The following AHR variants were observed in gnomAD, a reference collection of about 807,000 sequenced individuals.
AHR encodes aryl hydrocarbon receptor, also known as AH-receptor.
Under a neutral mutation model 86.8 loss-of-function variants are expected in AHR, and 40 were observed. That is an observed-to-expected ratio of 0.46 (90% confidence interval 0.36 to 0.60). The LOEUF (loss-of-function observed/expected upper bound fraction) is 0.60. AHR is among the 20% of genes least tolerant of loss of function. The probability of loss-of-function intolerance (pLI) is 0.00; values close to 1 mark genes in which losing one functional copy is unlikely to be tolerated. For synonymous variants in AHR, 398 were observed against 354.9 expected (o/e 1.12, Z -1.37); for missense variants, 1,001 against 1,011.6 (o/e 0.99, Z 0.14).
At chr7:17,328,935 A>G (rs1475842193) in intron 4 of AHR, among the ~76,000 whole-genome samples, 1 of 151,956 alleles carries the variant, frequency 6.6e-6, no homozygotes, top group Non-Finnish European at 1.5e-5. Context: ...GATTTCTTGC[A>G]TTCTAAAGAA....
rs758384565 is a variant in AHR at position 17,339,011 on chromosome 7, C to T, written c.1186C>T (p.Arg396Ter). ...AGATGAGGAAGGAACAGAGCATTTA[C>T]GAAAACGAAATACGAAGTTGCCTTT... ...LTDEEGTEHL[R>*]KRNTKLPFMF... The change falls in exon 10 of 11, where the codon CGA (arginine) becomes TGA (stop). Residue 396 changes from arginine to a stop codon, truncating the protein, a stop_gained. Transcript: ENST00000242057. LOFTEE classifies it high-confidence loss of function. The T allele has an allele frequency of 1.9e-6, 3 of 1,613,646 alleles. No homozygotes were observed. Among genetic ancestry groups the T allele is most frequent in the Admixed American group, 1.7e-5 (1 of 60,002 alleles).
chr7:17,299,237 G>C lies in AHR; in HGVS notation c.-28G>C, dbSNP rs749139930. The C allele has an allele frequency of 1.9e-6, 3 of 1,607,752 alleles. No homozygotes were observed. The highest frequency in any genetic ancestry group is 2.5e-6 in the Non-Finnish European group (3 of 1,178,360). ...GGGGACCCGGCCGCCAGTGCCCGGG[G>C]AGTAGCCGCCGCCGTCGGCTGGGCA... On this transcript the variant is annotated 5_prime_UTR_variant, in exon 1 of 11. Transcript: ENST00000242057.
Position 17,327,834 on chromosome 7 carries a change from C to A in AHR, c.436C>A (p.Leu146Ile), listed in dbSNP as rs1240903270. 2.6e-6 allele frequency: 4 copies of A among 1,521,900 alleles called. No homozygotes were observed. The highest frequency in any genetic ancestry group is 3.5e-5 in the Admixed American group (2 of 57,782). 94.3% of individuals were successfully genotyped at this position (1,521,900 alleles called of 1,614,324 possible). A position where few individuals can be genotyped will look rare whatever the true frequency, so the allele number is the denominator to read the frequency against. The stretch of plus-strand genomic sequence containing the variant: ...TGCTTCTTCTACTATACAAGATTAT[C>A]TAGGGTTTCAGCAGGTAAGTATATA... ...FYASSTIQDY[L>I]GFQQSDVIHQ... Residue 146 changes from leucine (L) to isoleucine (I), a missense_variant, in exon 4 of 11, where the codon CTA (leucine) becomes ATA (isoleucine). Around this residue, in one of 2 missense-constraint regions of AHR, gnomAD observed 394 missense variants for 468.5 expected, o/e 0.84. Coordinates refer to ENST00000242057, the MANE Select transcript of AHR (RefSeq NM_001621.5).
chr7:17,335,461 A>C (rs571319050), intron 8 of AHR, among the ~76,000 whole-genome samples, 184 bp from the exon 9 acceptor site: 1 of 152,076 alleles, frequency 6.6e-6, no homozygotes, highest in African/African-American at 2.4e-5. Context: ...CATTTAAAAT[A>C]ATAAATTTAA....
intron 6 of AHR, 134 bp downstream of exon 6, chr7:17,331,020 C>T: frequency 1.1e-6 from 1 of 908,596 alleles, no homozygotes; most frequent in Non-Finnish European, 1.6e-6. Flanking sequence ...CAGAGAGCTT[C>T]AGAGAGCTCA....
chr7:17,299,771 A>G (rs1781936141), intron 1 of AHR, among the ~76,000 whole-genome samples: 1 of 152,218 alleles, frequency 6.6e-6, no homozygotes, highest in Non-Finnish European at 1.5e-5. Flanking sequence ...GAGATGTTTT[A>G]AAGAGCTAAA....
chr7:17,324,945 T>G (rs553142966), intron 3 of AHR, among the ~76,000 whole-genome samples: 2 of 152,368 alleles, frequency 1.3e-5, no homozygotes, highest in African/African-American at 4.8e-5. Flanking sequence ...AAGTTTAAAA[T>G]ATATCTCTTG....
chr7:17,312,651 T>C (rs955623518), intron 2 of AHR, among the ~76,000 whole-genome samples: 6 of 152,196 alleles, frequency 3.9e-5, no homozygotes, highest in Middle Eastern at 6.3e-3. Context: ...TGTTAAAAAC[T>C]TTTTTCTCAG....
chr7:17,299,358 G>T (rs1379566153), intron 1 of AHR, 29 bp downstream of exon 1: 1 of 1,608,182 alleles, frequency 6.2e-7, no homozygotes, highest in Admixed American at 1.7e-5. Context: ...TCCTCATCGC[G>T]GGGGCTGGGC....
At chr7:17,316,390 A>G (rs1782115388) in intron 2 of AHR, among the ~76,000 whole-genome samples, 1 of 152,186 alleles carries the variant, frequency 6.6e-6, no homozygotes, top group Non-Finnish European at 1.5e-5. Context: ...AAGCCAAAGC[A>G]GGAGGACTGC....
chr7:17,332,834 C>T (rs1371975011), intron 6 of AHR, among the ~76,000 whole-genome samples: 5 of 152,012 alleles, frequency 3.3e-5, no homozygotes, highest in Middle Eastern at 3.4e-3. Context: ...TAGTAGTGTA[C>T]GGTAATGTCT....
At chr7:17,332,029 A>G (rs1160704246) in intron 6 of AHR, among the ~76,000 whole-genome samples, 2 of 152,004 alleles carry the variant, frequency 1.3e-5, no homozygotes, top group Non-Finnish European at 2.9e-5. Context: ...CATGTCCTGC[A>G]TAATGATGCT....
Position 17,330,089 on chromosome 7 carries a change from G to A in AHR, c.574+14G>A, listed in dbSNP as rs1487658095. 5 of 1,605,090 alleles carry A rather than the reference G, an allele frequency of 3.1e-6. No individual in the cohort carries two copies. Among genetic ancestry groups the A allele is most frequent in the Non-Finnish European group, 4.3e-6 (5 of 1,175,482 alleles). The stretch of plus-strand genomic sequence containing the variant: ...AAGGAATTGAAGGTAAGAATTGATG[G>A]TACAAAAAATAGTGTTGGTAGTTTT... On this transcript the variant is annotated intron_variant, in intron 5 of 10. Transcript: ENST00000242057.
intron 3 of AHR, among the ~76,000 whole-genome samples, chr7:17,325,598 A>G (rs1782220226): frequency 6.6e-6 from 1 of 152,244 alleles, no homozygotes; most frequent in Non-Finnish European, 1.5e-5. Flanking sequence ...GGTATTACAT[A>G]TCATATTTGC....
chr7:17,316,661 C>A (rs1016504891), intron 2 of AHR, among the ~76,000 whole-genome samples: 1 of 152,104 alleles, frequency 6.6e-6, no homozygotes, highest in African/African-American at 2.4e-5. Context: ...CATAAAGAAC[C>A]TTAATGAATT....
At position 17,298,657 on chromosome 7, in the gene AHR, C is replaced by T. The variant is rs1781914604; in HGVS notation, c.-608C>T. On this transcript the variant is annotated 5_prime_UTR_variant, in exon 1 of 11. Coordinates refer to ENST00000242057, the MANE Select transcript of AHR (RefSeq NM_001621.5). ...TGCGCGCGGCGGCGGGAGGCAGTGG[C>T]TGGGGAGTCCCGTCGACGCTCTGTT... 5.1e-6 allele frequency: 2 copies of T among 394,542 alleles called. No individual in the cohort carries two copies. Among genetic ancestry groups the T allele is most frequent in the African/African-American group, 2.1e-5 (1 of 48,456 alleles). 24.4% of individuals were successfully genotyped at this position (394,542 alleles called of 1,614,324 possible). A position where few individuals can be genotyped will look rare whatever the true frequency, so the allele number is the denominator to read the frequency against.
chr7:17,344,342 G>A lies in AHR; in HGVS notation c.*1278G>A, dbSNP rs995187890. The A allele has an allele frequency of 1.3e-5, 2 of 152,648 alleles. No individual in the cohort carries two copies. Among genetic ancestry groups the A allele is most frequent in the African/African-American group, 2.4e-5 (1 of 41,430 alleles). The allele number at this position is 152,648 out of a possible 1,614,324, so 9.5% of individuals were successfully genotyped here. A position where few individuals can be genotyped will look rare whatever the true frequency, so the allele number is the denominator to read the frequency against. ...ATAGATATAATGAACAAAATTATTT[G>A]TAAGATATTTGCAGTTTTTCATTTT... is the stretch of plus-strand genomic sequence containing the variant. On this transcript the variant is annotated 3_prime_UTR_variant, in exon 11 of 11. Transcript: ENST00000242057.
intron 1 of AHR, among the ~76,000 whole-genome samples, chr7:17,300,465 T>C (rs1448894313): frequency 6.6e-6 from 1 of 152,168 alleles, no homozygotes; most frequent in African/African-American, 2.4e-5. Flanking sequence ...AAACCAGTTA[T>C]TGGTTTAAAG....
At chr7:17,338,731 G>A (rs1312896862) in intron 9 of AHR, among the ~76,000 whole-genome samples, 1 of 151,800 alleles carries the variant, frequency 6.6e-6, no homozygotes, top group Non-Finnish European at 1.5e-5. Context: ...TTTTTTTGCA[G>A]GGTGTCAGGT....
Sources: gnomAD v4.1 joint callset for allele counts (sites outside exome capture counted in the v4.1 genomes callset) on GRCh38, gnomAD v4.1.1 for gene constraint, gnomAD v4.1.1 regional missense constraint, MANE v1.5 for transcripts, NCBI Gene and HGNC (gene_info 2026-07-23, HGNC 2026-07-21) for gene names.